Variants in OR3A2 observed in about 807,000 individuals in gnomAD.
OR3A2 encodes olfactory receptor family 3 subfamily A member 2, also known as olfactory receptor 3A2.
For missense variants in OR3A2, 318 were observed against 392.8 expected (o/e 0.81, Z 1.61); for synonymous variants, 126 against 159.3 (o/e 0.79, Z 1.57).
intron 2 of OR3A2, among the ~76,000 whole-genome samples, chr17:3,383,020 C>T (rs117852157): frequency 1.6e-4 from 25 of 152,290 alleles, no homozygotes; most frequent in Admixed American, 2.6e-4. Context: ...TGTCCAACTC[C>T]TGTTAACATG....
intron 2 of OR3A2, among the ~76,000 whole-genome samples, chr17:3,355,561 C>T: frequency 6.6e-6 from 1 of 151,206 alleles, no homozygotes; most frequent in Non-Finnish European, 1.5e-5. Context: ...GACCCCTTTA[C>T]CATTATATAA....
intron 2 of OR3A2, among the ~76,000 whole-genome samples, chr17:3,382,017 A>G (rs1249997392): frequency 6.6e-6 from 1 of 152,208 alleles, no homozygotes; most frequent in East Asian, 1.9e-4. Flanking sequence ...CAAGTTCCCA[A>G]TGAGAGATAC....
Position 3,292,653 on chromosome 17 carries a change from A to G in OR3A2, c.-84-13500T>C, listed in dbSNP as rs181040267. 5,749 of 1,347,956 alleles carry G rather than the reference A, an allele frequency of 4.3e-3. 125 individuals are homozygous for G. In the African/African-American group the frequency reaches 0.062, roughly 15 times the overall value. 83.5% of individuals were successfully genotyped at this position (1,347,956 alleles called of 1,614,324 possible). A position where few individuals can be genotyped will look rare whatever the true frequency, so the allele number is the denominator to read the frequency against. ...CCAATAATTTATTTACTCAAGAAAAAGAAACAGACCCCCTTCTACTTGCCC... is the reference window on the plus strand; with the variant it reads ...CCAATAATTTATTTACTCAAGAAAAGGAAACAGACCCCCTTCTACTTGCCC... On this transcript the variant is annotated intron_variant, in intron 3 of 4. Coordinates refer to the OR3A2 transcript ENST00000573491.
At chr17:3,304,713 T>C (rs575942894) in intron 3 of OR3A2, among the ~76,000 whole-genome samples, 19 of 152,340 alleles carry the variant, frequency 1.2e-4, no homozygotes, top group African/African-American at 4.6e-4. Flanking sequence ...GACAAAGCTT[T>C]GGTCCTCCCT....
chr17:3,337,924 T>C (rs1315994580), intron 2 of OR3A2, among the ~76,000 whole-genome samples: 2 of 152,230 alleles, frequency 1.3e-5, no homozygotes, highest in East Asian at 3.8e-4. Context: ...CTCCACATCC[T>C]TTCCAGCGCC....
intron 2 of OR3A2, among the ~76,000 whole-genome samples, chr17:3,336,714 C>T (rs1186612581): frequency 2.0e-5 from 3 of 152,148 alleles, no homozygotes; most frequent in African/African-American, 4.8e-5. Flanking sequence ...ACTTTAGCTG[C>T]GCTCATACCT....
At chr17:3,303,743 C>CAAAAAAAAAAAAA (rs71153338) in intron 3 of OR3A2, among the ~76,000 whole-genome samples, 4 of 106,732 alleles carry the variant, frequency 3.7e-5, no homozygotes, top group Middle Eastern at 4.5e-3. Flanking sequence ...GACTTCATCT[C>CAAAAAAAAAAAAA]AAAAAAAAAA....
chr17:3,336,988 A>G (rs2049278692), intron 2 of OR3A2, among the ~76,000 whole-genome samples: 1 of 152,182 alleles, frequency 6.6e-6, no homozygotes, highest in South Asian at 2.1e-4. Context: ...AAAACAAAAG[A>G]TTCACCCTAG....
intron 3 of OR3A2, chr17:3,310,819 A>T (rs377646827): frequency 5.0e-5 from 46 of 927,380 alleles, no homozygotes; most frequent in Non-Finnish European, 6.8e-5. Flanking sequence ...TCTCCTCTTA[A>T]CTTCTGTGGC....
chr17:3,360,493 A>T (rs1368003484), intron 2 of OR3A2, among the ~76,000 whole-genome samples: 1 of 151,734 alleles, frequency 6.6e-6, no homozygotes, highest in Non-Finnish European at 1.5e-5. Context: ...GTCCATGCCC[A>T]TGCCTATGTC....
intron 2 of OR3A2, among the ~76,000 whole-genome samples, chr17:3,348,407 A>G (rs1204600384): frequency 1.3e-5 from 2 of 152,260 alleles, no homozygotes; most frequent in African/African-American, 2.4e-5. Context: ...AGCCGATGCG[A>G]TCAACTGGAA....
chr17:3,322,401 T>C (rs1456173692), intron 3 of OR3A2, among the ~76,000 whole-genome samples: 1 of 152,198 alleles, frequency 6.6e-6, no homozygotes, highest in African/African-American at 2.4e-5. Flanking sequence ...AGTTATTTCT[T>C]GCCTTCTACT....
chr17:3,315,417 T>G (rs972751617), intron 3 of OR3A2, among the ~76,000 whole-genome samples: 18 of 152,332 alleles, frequency 1.2e-4, no homozygotes, highest in African/African-American at 4.1e-4. Context: ...GTGATTTTGA[T>G]TTGCATTCCT....
At chr17:3,376,753 T>C (rs1312841277) in intron 2 of OR3A2, among the ~76,000 whole-genome samples, 1 of 151,862 alleles carries the variant, frequency 6.6e-6, no homozygotes, top group Non-Finnish European at 1.5e-5. Context: ...TCTCCCTGCC[T>C]GCCTTATTAC....
chr17:3,376,085 G>C (rs2049680887), intron 2 of OR3A2, among the ~76,000 whole-genome samples: 1 of 152,258 alleles, frequency 6.6e-6, no homozygotes, highest in South Asian at 2.1e-4. Flanking sequence ...GGTCATGCTA[G>C]CAGTTAAGCT....
At chr17:3,363,689 T>G (rs777771750) in intron 2 of OR3A2, among the ~76,000 whole-genome samples, 5 of 148,110 alleles carry the variant, frequency 3.4e-5, no homozygotes, top group Non-Finnish European at 7.4e-5. Context: ...ATTTTCTCTA[T>G]TAGTTCATTT....
intron 3 of OR3A2, chr17:3,310,738 T>A (rs1597332379): frequency 1.8e-6 from 1 of 550,620 alleles, no homozygotes; most frequent in African/African-American, 1.9e-5. Context: ...AGCTGGGGAA[T>A]CCAGCAAGCC....
chr17:3,333,337 C>G (rs185760359), intron 3 of OR3A2, among the ~76,000 whole-genome samples: 9 of 152,238 alleles, frequency 5.9e-5, no homozygotes, highest in Admixed American at 2.0e-4. Flanking sequence ...AGGTGTTTAT[C>G]AAAACAATAT....
intron 2 of OR3A2, among the ~76,000 whole-genome samples, chr17:3,375,219 T>C (rs12946089): frequency 3.4e-5 from 3 of 88,156 alleles, no homozygotes; most frequent in African/African-American, 1.4e-4. Flanking sequence ...GATTTCTTCC[T>C]TTTTTTTTTT....
Sources: gnomAD v4.1 joint callset for allele counts (sites outside exome capture counted in the v4.1 genomes callset) on GRCh38, gnomAD v4.1.1 for gene constraint, MANE v1.5 for transcripts, NCBI Gene and HGNC (gene_info 2026-07-23, HGNC 2026-07-21) for gene names.